FTSJ1: variants seen among roughly 807,000 people sequenced by gnomAD.
The protein encoded by FTSJ1 is FtsJ RNA 2'-O-methyltransferase 1.
In FTSJ1, 3 loss-of-function variants were observed where a neutral mutation model predicts 28.5. The ratio of observed to expected loss-of-function variants is 0.11; its 90% CI spans 0.05 to 0.27. The LOEUF is 0.27. Among genes scored for constraint, FTSJ1 ranks in the 10% least tolerant of loss-of-function variants. FTSJ1 has a pLI of 1.00. For synonymous variants in FTSJ1, 104 were observed against 113.9 expected (o/e 0.91, Z 0.55); for missense variants, 162 against 279.0 (o/e 0.58, Z 2.99).
intron 9 of FTSJ1, 128 bp downstream of exon 9, chrX:48,481,843 G>A (rs782795933): frequency 5.7e-6 from 3 of 526,891 alleles, no homozygotes; most frequent in Admixed American, 2.7e-5. Context: ...TTTTCCCAAG[G>A]GGATCCTTAG....
In FTSJ1 at chrX:48,482,752, G is replaced by C. The variant is rs782539487; in HGVS notation, c.915G>C (p.Gln305His). Residue 305 changes from glutamine (Q) to histidine (H), a missense_variant, in exon 11 of 13, where the codon CAG becomes CAC. Physicochemically the swap from Gln to His is conservative, Grantham distance 24. Transcript: ENST00000348411. Reference protein sequence around the residue: ...CPISRVDTFPQPLAAPQCHTL... With the variant: ...CPISRVDTFPHPLAAPQCHTL... The stretch of plus-strand genomic sequence containing the variant: ...TCAGCAGAGTGGACACGTTTCCCCA[G>C]CCCCTGGCCGCCCCTCAGTGCCACA... 1 of 1,207,627 alleles carries C rather than the reference G, an allele frequency of 8.3e-7. No individual in the cohort carries two copies. The highest frequency in any genetic ancestry group is 1.8e-5 in the South Asian group (1 of 56,492).
Position 48,479,882 on chromosome X carries a change from G to A in FTSJ1, c.361+766G>A, listed in dbSNP as rs190993222. Among the ~76,000 whole-genome samples, 3 of 110,846 alleles carry A rather than the reference G, an allele frequency of 2.7e-5. No individual in the cohort carries two copies. In the East Asian group the frequency reaches 8.5e-4, roughly 32 times the overall value. The stretch of plus-strand genomic sequence containing the variant: ...GAGGAGGCCGGGCACAGTGGCTCAC[G>A]CCTGTAATCCCAGCACTTTGGGAGG... On this transcript the variant is annotated intron_variant, in intron 5 of 12. Coordinates refer to ENST00000348411, the MANE Select transcript of FTSJ1 (RefSeq NM_012280.4).
chrX:48,482,829 C>G, intron 11 of FTSJ1, 35 bp downstream of exon 11: 1 of 1,205,588 alleles, frequency 8.3e-7, no homozygotes, highest in East Asian at 3.0e-5. Flanking sequence ...GCCTTGACCC[C>G]TTCCCCGTGT....
chrX:48,478,596 T>C, intron 3 of FTSJ1, 21 bp from the exon 4 acceptor site: 1 of 1,200,924 alleles, frequency 8.3e-7, no homozygotes, highest in Non-Finnish European at 1.1e-6. Flanking sequence ...ACTAGGCTGA[T>C]GTGGGCCATG....
chrX:48,479,858 A>G (rs996035203), intron 5 of FTSJ1, among the ~76,000 whole-genome samples: 7 of 110,302 alleles, frequency 6.3e-5, no homozygotes, highest in Non-Finnish European at 1.1e-4. Context: ...AAACGGGGTG[A>G]GGAGGCCGGG....
chrX:48,479,878 TCACGC>T (rs1556967932), intron 5 of FTSJ1, among the ~76,000 whole-genome samples: 29 of 110,529 alleles, frequency 2.6e-4, no homozygotes, highest in Middle Eastern at 9.4e-3. Flanking sequence ...GCACAGTGGC[TCACGC>T]CTGTAATCCC....
rs782422586 is a variant in FTSJ1 at position 48,481,146 on chromosome X, C to T, written c.362-5C>T. On this transcript the variant is annotated splice_region_variant and splice_polypyrimidine_tract_variant and intron_variant, in intron 5 of 12. Coordinates refer to ENST00000348411, the MANE Select transcript of FTSJ1 (RefSeq NM_012280.4). ...ACCCCCCTAACGCTGTTCCTCTTGC[C>T]ACAGTAACCGGTCTCCATGATGTTG... 1 of 1,208,096 alleles carries T rather than the reference C, an allele frequency of 8.3e-7. No homozygotes were observed. The highest frequency in any genetic ancestry group is 1.1e-6 in the Non-Finnish European group (1 of 892,513).
At chrX:48,485,681 C>G (rs2061598172) in intron 12 of FTSJ1, 55 bp from the exon 13 acceptor site, 1 of 111,399 alleles carries the variant, frequency 9.0e-6, no homozygotes, top group African/African-American at 3.3e-5. Context: ...AGAGCAAGAC[C>G]CTGTCTCTAA....
Position 48,482,724 on chromosome X carries a change from C to T in FTSJ1, c.887C>T (p.Pro296Leu), listed in dbSNP as rs781826598. Residue 296 changes from proline to leucine, a missense_variant, in exon 11 of 13, where the codon CCC (proline) becomes CTC (leucine). By Grantham distance (98) the Pro-to-Leu change is moderately conservative. Transcript: ENST00000348411. ...AAGGAGATCCGCCCCCAGGACTGCC[C>T]CATCAGCAGAGTGGACACGTTTCCC... is the stretch of plus-strand genomic sequence containing the variant. ...LAKEIRPQDC[P>L]ISRVDTFPQP... 1 of 1,209,342 alleles carries T rather than the reference C, an allele frequency of 8.3e-7. No homozygotes were observed. Among genetic ancestry groups the T allele is most frequent in the Non-Finnish European group, 1.1e-6 (1 of 894,251 alleles).
At chrX:48,479,528 G>A (rs2061555044) in intron 5 of FTSJ1, among the ~76,000 whole-genome samples, 1 of 111,434 alleles carries the variant, frequency 9.0e-6, no homozygotes, top group Non-Finnish European at 1.9e-5. Flanking sequence ...GGGAGCAAAT[G>A]GGAAAGAAAA....
chrX:48,477,035 G>A (rs1223108655), intron 1 of FTSJ1, among the ~76,000 whole-genome samples: 6 of 110,810 alleles, frequency 5.4e-5, no homozygotes, highest in African/African-American at 2.0e-4. Flanking sequence ...TGGTGTTGTA[G>A]TCAGAGTCAG....
At position 48,481,613 on chromosome X, in the gene FTSJ1, C is replaced by G; in HGVS notation, c.572-19C>G. 8.5e-7 allele frequency: 1 copy of G among 1,170,154 alleles called. No homozygotes were observed. The highest frequency in any genetic ancestry group is 1.2e-6 in the Non-Finnish European group (1 of 857,323). On this transcript the variant is annotated intron_variant, in intron 8 of 12. Transcript: ENST00000348411. The stretch of plus-strand genomic sequence containing the variant: ...AGGAGGAAGCGGCAGTCATGCCTCA[C>G]TCCACCTTCCCCTGGCAGAGGCCTT...
At position 48,482,649 on chromosome X, in the gene FTSJ1, C is replaced by G; in HGVS notation, c.812C>G (p.Ser271Trp). 8.3e-7 allele frequency: 1 copy of G among 1,203,902 alleles called. No individual in the cohort carries two copies. Among genetic ancestry groups the G allele is most frequent in the Non-Finnish European group, 1.1e-6 (1 of 891,189 alleles). The change falls in exon 11 of 13, where the codon TCG becomes TGG. Residue 271 changes from serine (S) to tryptophan (W), a missense_variant. Ser to Trp is a radical substitution (Grantham distance 177, BLOSUM62 -3). Transcript: ENST00000348411. The part of the protein sequence containing the change: ...KYTPPTQPPI[S>W]PPYQEACTLK... ...ACTCCACCCACACAGCCCCCCATCTCGCCACCATACCAGGAGGCCTGCACG... is the reference window on the plus strand; with the variant it reads ...ACTCCACCCACACAGCCCCCCATCTGGCCACCATACCAGGAGGCCTGCACG...
chrX:48,477,792 G>A (rs1363056454), intron 1 of FTSJ1, among the ~76,000 whole-genome samples, 169 bp from the exon 2 acceptor site: 2 of 110,640 alleles, frequency 1.8e-5, no homozygotes, highest in Non-Finnish European at 3.8e-5. Context: ...GGGGCGAGGA[G>A]GGTCTGTGTG....
At chrX:48,478,948 C>G (rs999722701) in intron 4 of FTSJ1, 90 bp from the exon 5 acceptor site, 85 of 755,859 alleles carry the variant, frequency 1.1e-4, no homozygotes, top group Non-Finnish European at 1.7e-4. Flanking sequence ...TTTGGCTGAC[C>G]CAGGGGCTGT....
At chrX:48,476,531 G>A (rs2061533168) in intron 1 of FTSJ1, 135 bp downstream of exon 1, 1 of 268,272 alleles carries the variant, frequency 3.7e-6, no homozygotes, top group South Asian at 2.4e-4. Context: ...GGCTGGCACC[G>A]GGTGGGTTCT....
intron 11 of FTSJ1, 47 bp downstream of exon 11, chrX:48,482,841 C>G (rs1420694383): frequency 8.3e-7 from 1 of 1,203,421 alleles, no homozygotes; most frequent in African/African-American, 1.8e-5. Flanking sequence ...TCCCCGTGTG[C>G]CTTTTTCTGA....
At position 48,480,265 on chromosome X, in the gene FTSJ1, C is replaced by T. The variant is rs782363599; in HGVS notation, c.362-886C>T. ...GGGGAAGGCCTCACTGACTTAACAG[C>T]AGAGACTAAAGGAGGTGGGGGAGTA... On this transcript the variant is annotated intron_variant, in intron 5 of 12. Coordinates refer to ENST00000348411, the MANE Select transcript of FTSJ1 (RefSeq NM_012280.4). Among the ~76,000 whole-genome samples, 4 of 111,146 alleles carry T rather than the reference C, an allele frequency of 3.6e-5. No individual in the cohort carries two copies. The Admixed American group carries it at 3.8e-4, about 11-fold the overall frequency.
intron 12 of FTSJ1, among the ~76,000 whole-genome samples, chrX:48,484,073 CTTT>C (rs1184968231): frequency 9.5e-6 from 1 of 104,982 alleles, no homozygotes; most frequent in Non-Finnish European, 2.0e-5. Context: ...AAAAAGCCAC[CTTT>C]TTTTTTTTCT....
Sources: allele counts gnomAD v4.1 joint callset (sites outside exome capture counted in the v4.1 genomes callset), GRCh38; gene constraint gnomAD v4.1.1; transcripts MANE v1.5; gene names NCBI Gene and HGNC (gene_info 2026-07-23, HGNC 2026-07-21).